The following NIFK variants were observed in gnomAD, a reference collection of about 807,000 sequenced individuals.
NIFK encodes the protein nucleolar protein interacting with the FHA domain of MKI67, also known as MKI67 FHA domain-interacting nucleolar phosphoprotein.
In NIFK, 16 loss-of-function variants were observed where a neutral mutation model predicts 31.7. That is an observed-to-expected ratio of 0.50 (90% CI 0.34 to 0.77). The LOEUF (loss-of-function observed/expected upper bound fraction) is 0.77. NIFK is among the 30% of genes least tolerant of loss of function. The pLI, the probability that NIFK is intolerant of heterozygous loss-of-function variation, is 0.01. For synonymous variants in NIFK, 126 were observed against 123.0 expected (o/e 1.02, Z -0.16); for missense variants, 341 against 350.4 (o/e 0.97, Z 0.21).
intron 4 of NIFK, 162 bp from the exon 5 acceptor site, chr2:121,728,698 A>C (rs112801510): frequency 1.4e-3 from 716 of 522,070 alleles, no homozygotes; most frequent in Middle Eastern, 2.5e-3. Context: ...AGTAAAGGGC[A>C]AAACTAGGAA....
intron 2 of NIFK, among the ~76,000 whole-genome samples, 184 bp from the exon 3 acceptor site, chr2:121,732,388 C>T (rs17006784): frequency 0.051 from 7,807 of 152,194 alleles, 338 homozygotes; most frequent in East Asian, 0.15. Flanking sequence ...AAAAGATGCA[C>T]GAGTCTGAAC....
At position 121,735,750 on chromosome 2, in the gene NIFK, G is replaced by C; in HGVS notation, c.106C>G (p.Arg36Gly). 1 of 1,610,964 alleles carries C rather than the reference G, an allele frequency of 6.2e-7. No individual in the cohort carries two copies. The highest frequency in any genetic ancestry group is 8.5e-7 in the Non-Finnish European group (1 of 1,178,854). Residue 36 changes from arginine (R) to glycine (G), a missense_variant and splice_region_variant, in exon 2 of 7, where the codon CGA (arginine) becomes GGA (glycine). Physicochemically the swap from Arg to Gly is moderately radical, Grantham distance 125. Coordinates refer to ENST00000285814, the MANE Select transcript of NIFK (RefSeq NM_032390.5). Reference protein sequence around the residue: ...VAQVRKRITQRKKQEQLTPGV... With the variant: ...VAQVRKRITQGKKQEQLTPGV... Reference sequence around the variant, plus strand: ...GGAGTAAGTTGTTCTTGTTTTTTTCGCTAAAGACGTAAAGACCAGGTAAAT... The same window carrying C: ...GGAGTAAGTTGTTCTTGTTTTTTTCCCTAAAGACGTAAAGACCAGGTAAAT...
intron 2 of NIFK, among the ~76,000 whole-genome samples, chr2:121,733,827 T>C (rs1382886761): frequency 2.0e-5 from 3 of 152,234 alleles, no homozygotes; most frequent in Non-Finnish European, 4.4e-5. Context: ...TGCTGGTTTG[T>C]GCTGTAAAAC....
At chr2:121,735,392 G>T (rs996276543) in intron 2 of NIFK, among the ~76,000 whole-genome samples, 2 of 152,138 alleles carry the variant, frequency 1.3e-5, no homozygotes, top group African/African-American at 4.8e-5. Flanking sequence ...CATTTACCAG[G>T]ACTGTCAATT....
intron 1 of NIFK, 28 bp downstream of exon 1, chr2:121,736,718 C>T: frequency 6.3e-7 from 1 of 1,590,284 alleles, no homozygotes; most frequent in Non-Finnish European, 8.6e-7. Context: ...CGCCCCCGCT[C>T]GCAGCCTGGG....
chr2:121,729,260 G>A (rs1421111650), intron 4 of NIFK, among the ~76,000 whole-genome samples: 1 of 151,618 alleles, frequency 6.6e-6, no homozygotes, highest in African/African-American at 2.4e-5. Flanking sequence ...CCAGCTACTC[G>A]TGGGGGCTGA....
In NIFK at chr2:121,736,839, A is replaced by G; in HGVS notation, c.12T>C (p.Phe4=). The change falls in exon 1 of 7, where the codon TTT becomes TTC. Residue 4 remains phenylalanine, a synonymous_variant. Transcript: ENST00000285814. ...ACAGGATTGGCCCAGCCGGGCCAGAAAAAGTCGCCATGCCAAAAGCCGCCG... is the reference window on the plus strand; with the variant it reads ...ACAGGATTGGCCCAGCCGGGCCAGAGAAAGTCGCCATGCCAAAAGCCGCCG... The part of the protein sequence containing the change: MAT[F]SGPAGPILSL... The G allele has an allele frequency of 6.2e-7, 1 of 1,614,010 alleles. No homozygotes were observed. Among genetic ancestry groups the G allele is most frequent in the Non-Finnish European group, 8.5e-7 (1 of 1,179,884 alleles).
At position 121,727,746 on chromosome 2, in the gene NIFK, C is replaced by CT. The variant is rs757315593; in HGVS notation, c.859dup (p.Arg287LysfsTer17). On this transcript the variant is annotated frameshift_variant, in exon 7 of 7. Coordinates refer to ENST00000285814, the MANE Select transcript of NIFK (RefSeq NM_032390.5). LOFTEE classifies it high-confidence loss of function. ...AAATCACTGATTGCTGCTTCTTCGT[C>CT]TTTTTTTCCGTGAATGTGTAGGTGT... 8 of 1,599,680 alleles carry CT rather than the reference C, an allele frequency of 5.0e-6. No homozygotes were observed. The highest frequency in any genetic ancestry group is 1.7e-4 in the Middle Eastern group (1 of 5,958).
At chr2:121,731,291 C>T in intron 3 of NIFK, 187 bp from the exon 4 acceptor site, 2 of 548,722 alleles carry the variant, frequency 3.6e-6, no homozygotes, top group Admixed American at 6.9e-5. Context: ...CAGCTGTGAA[C>T]TTGGGTACCT....
In NIFK at chr2:121,728,332, CTT is replaced by C; in HGVS notation, c.647_648del (p.Lys216SerfsTer6). The C allele has an allele frequency of 3.1e-6, 5 of 1,608,226 alleles. No homozygotes were observed. Among genetic ancestry groups the C allele is most frequent in the Non-Finnish European group, 4.2e-6 (5 of 1,176,684 alleles). On this transcript the variant is annotated frameshift_variant, in exon 6 of 7. Transcript: ENST00000285814. LOFTEE classifies it low-confidence loss of function (END_TRUNC). ...KGQVLRKKKK[K>X]VSGTLDTPEK... is the part of the protein sequence containing the mutation. ...TCAGGAGTGTCAAGAGTACCTGAAACTTTTTTCTTCTTCTTACGTAAAACCTT... is the reference window on the plus strand; with the variant it reads ...TCAGGAGTGTCAAGAGTACCTGAAACTTTTCTTCTTCTTACGTAAAACCTT...
rs772986974 is a variant in NIFK, at chr2:121,735,621, T to C, written c.235A>G (p.Ser79Gly). The C allele has an allele frequency of 2.4e-5, 38 of 1,611,910 alleles. No individual in the cohort carries two copies. The highest frequency in any genetic ancestry group is 3.1e-5 in the Non-Finnish European group (36 of 1,179,840). Residue 79 changes from serine to glycine, a missense_variant, in exon 2 of 7, where the codon AGT becomes GGT. Physicochemically the swap from Ser to Gly is moderately conservative, Grantham distance 56 (BLOSUM62 0). Coordinates refer to ENST00000285814, the MANE Select transcript of NIFK (RefSeq NM_032390.5). ...GTVTRFRLSR[S>G]KRTGNSKGYA... The stretch of plus-strand genomic sequence containing the variant: ...AACTGCAAAAATCTTACCCTTTTAC[T>C]TCTGGACAGCCTGAACCGTGTCACA...
intron 1 of NIFK, 76 bp from the exon 2 acceptor site, chr2:121,735,826 C>G: frequency 8.0e-7 from 1 of 1,243,934 alleles, no homozygotes; most frequent in Non-Finnish European, 1.1e-6. Flanking sequence ...TAGCCCTCGG[C>G]CCAAGAACCT....
chr2:121,729,367 C>CAAA lies in NIFK; in HGVS notation c.565-834_565-832dup, dbSNP rs966976474. Reference sequence around the variant, plus strand: ...TGGGCAACAGAGGGAGACTCCATCTCAAAAAAAAAAAAAAAAAAGAAAAGA... The same window carrying CAAA: ...TGGGCAACAGAGGGAGACTCCATCTCAAAAAAAAAAAAAAAAAAAAAGAAAAGA... On this transcript the variant is annotated intron_variant, in intron 4 of 6. Coordinates refer to ENST00000285814, the MANE Select transcript of NIFK (RefSeq NM_032390.5). Among the ~76,000 whole-genome samples the CAAA allele has an allele frequency of 3.1e-4, 19 of 62,122 alleles. 1 individual carries two copies. Among genetic ancestry groups the CAAA allele is most frequent in the Admixed American group, 9.2e-4 (5 of 5,416 alleles). 40.8% of individuals were successfully genotyped at this position (62,122 alleles called of 152,430 possible). A position where few individuals can be genotyped will look rare whatever the true frequency, so the allele number is the denominator to read the frequency against.
chr2:121,736,513 C>T (rs2074581513), intron 1 of NIFK, among the ~76,000 whole-genome samples: 1 of 152,260 alleles, frequency 6.6e-6, no homozygotes. Flanking sequence ...CCTCAGCGGC[C>T]AAACCCCTCC....
At position 121,732,177 on chromosome 2, in the gene NIFK, C is replaced by A. The variant is rs985554041; in HGVS notation, c.271G>T (p.Val91Leu). 4 of 1,612,526 alleles carry A rather than the reference C, an allele frequency of 2.5e-6. No homozygotes were observed. Among genetic ancestry groups the A allele is most frequent in the Non-Finnish European group, 3.4e-6 (4 of 1,178,542 alleles). The change falls in exon 3 of 7, where the codon GTG becomes TTG. Residue 91 changes from valine (V) to leucine (L), a missense_variant. Coordinates refer to ENST00000285814, the MANE Select transcript of NIFK (RefSeq NM_032390.5). ...RTGNSKGYAFVEFESEDVAKI... is the reference protein window; with the variant it reads ...RTGNSKGYAFLEFESEDVAKI... ...GCAACATCCTCAGACTCAAACTCCA[C>A]AAATGCATAGCCTTTGCTATTTCCA...
intron 3 of NIFK, 42 bp from the exon 4 acceptor site, chr2:121,731,146 A>G: frequency 8.4e-7 from 1 of 1,190,164 alleles, no homozygotes; most frequent in Non-Finnish European, 1.2e-6. Flanking sequence ...TTTTAATGTT[A>G]ACTTTAGAAT....
rs766844487 is a variant in NIFK, at chr2:121,728,523, G to A, written c.578C>T (p.Thr193Met). 1.5e-5 allele frequency: 23 copies of A among 1,576,352 alleles called. No homozygotes were observed. The highest frequency in any genetic ancestry group is 6.7e-5 in the East Asian group (3 of 44,508). ...ACGATTAGTTTTTGAAATACTTTCC[G>A]TTTTCTGTAAAATCTTTAATAAAGA... is the stretch of plus-strand genomic sequence containing the variant. ...YDFPSLILQK[T>M]ESISKTNRQT... The change falls in exon 5 of 7, where the codon ACG becomes ATG. Residue 193 changes from threonine to methionine, a missense_variant. Transcript: ENST00000285814.
intron 2 of NIFK, among the ~76,000 whole-genome samples, chr2:121,734,869 G>C (rs2106443720): frequency 6.6e-6 from 1 of 152,278 alleles, no homozygotes; most frequent in Admixed American, 6.5e-5. Context: ...GGGTACAAAA[G>C]GGACCTCAAT....
chr2:121,736,267 G>C (rs537611889), intron 1 of NIFK, among the ~76,000 whole-genome samples: 1 of 152,240 alleles, frequency 6.6e-6, no homozygotes, highest in Non-Finnish European at 1.5e-5. Context: ...GCCCTAGTCA[G>C]CAAGTGGAAC....
Sources: allele counts gnomAD v4.1 joint callset (sites outside exome capture counted in the v4.1 genomes callset), GRCh38; gene constraint gnomAD v4.1.1; transcripts MANE v1.5; gene names NCBI Gene and HGNC (gene_info 2026-07-23, HGNC 2026-07-21).